Variants in TRAPPC10 observed in about 807,000 individuals in gnomAD.
TRAPPC10 encodes TRAPP 130 kDa subunit.
Under a neutral mutation model 125.5 loss-of-function variants are expected in TRAPPC10, and 23 were observed. The ratio of observed to expected loss-of-function variants is 0.18; its 90% CI spans 0.13 to 0.26. The LOEUF is 0.26. Ranked by LOEUF, TRAPPC10 falls within the 10% of genes least tolerant of loss-of-function variation. The pLI, the probability that TRAPPC10 is intolerant of heterozygous loss-of-function variation, is 1.00. For missense variants in TRAPPC10, 1,123 were observed against 1,308.4 expected (o/e 0.86, Z 2.19); for synonymous variants, 509 against 518.0 (o/e 0.98, Z 0.24).
At chr21:44,051,718 T>C (rs2145833458) in intron 3 of TRAPPC10, among the ~76,000 whole-genome samples, 1 of 152,360 alleles carries the variant, frequency 6.6e-6, no homozygotes, top group East Asian at 1.9e-4. Flanking sequence ...CAGCTGTAGC[T>C]GCTTGCCTCT....
intron 1 of TRAPPC10, among the ~76,000 whole-genome samples, chr21:44,018,772 C>CAG (rs1264776259): frequency 6.6e-6 from 1 of 151,982 alleles, no homozygotes; most frequent in Non-Finnish European, 1.5e-5. Flanking sequence ...GTGCTTCCAC[C>CAG]AGAGGCCTGC....
At chr21:44,079,023 G>T (rs529843897) in intron 11 of TRAPPC10, among the ~76,000 whole-genome samples, 1 of 152,224 alleles carries the variant, frequency 6.6e-6, no homozygotes, top group Non-Finnish European at 1.5e-5. Flanking sequence ...TTCTCTGGAA[G>T]CTGGATCCTG....
At chr21:44,024,118 A>T (rs1470828022) in intron 1 of TRAPPC10, among the ~76,000 whole-genome samples, 1 of 152,210 alleles carries the variant, frequency 6.6e-6, no homozygotes, top group East Asian at 1.9e-4. Flanking sequence ...TATTTTTAAG[A>T]TAAAATACAT....
At position 44,063,875 on chromosome 21, in the gene TRAPPC10, T is replaced by C; in HGVS notation, c.1038+90T>C. 1 of 1,504,494 alleles carries C rather than the reference T, an allele frequency of 6.6e-7. No individual in the cohort carries two copies. Among genetic ancestry groups the C allele is most frequent in the Non-Finnish European group, 8.9e-7 (1 of 1,129,344 alleles). The allele number at this position is 1,504,494 out of a possible 1,614,324, so 93.2% of individuals were successfully genotyped here. A position where few individuals can be genotyped will look rare whatever the true frequency, so the allele number is the denominator to read the frequency against. On this transcript the variant is annotated intron_variant, in intron 7 of 22. Transcript: ENST00000291574. The surrounding 1 kb of genome is among the most constrained non-coding windows in gnomAD (Gnocchi z 4.4). ...GAGATCCCAGGCATTGAACTGTTTGTGCTTAAGAAAGGGTTTTCTTTTCTG... is the reference window on the plus strand; with the variant it reads ...GAGATCCCAGGCATTGAACTGTTTGCGCTTAAGAAAGGGTTTTCTTTTCTG...
At chr21:44,089,690 G>A in intron 17 of TRAPPC10, 143 bp from the exon 18 acceptor site, 2 of 672,694 alleles carry the variant, frequency 3.0e-6, no homozygotes, top group Non-Finnish European at 5.5e-6. Flanking sequence ...GTAAGGCTTT[G>A]CTTCCTGGAT....
intron 13 of TRAPPC10, among the ~76,000 whole-genome samples, chr21:44,081,716 G>A (rs575920756): frequency 6.6e-4 from 101 of 152,208 alleles, no homozygotes; most frequent in Non-Finnish European, 1.4e-3. Context: ...GCGAAACCCT[G>A]TCTCTACAAA....
chr21:44,052,253 CTT>C, intron 3 of TRAPPC10, 25 bp from the exon 4 acceptor site: 1 of 1,548,450 alleles, frequency 6.5e-7, no homozygotes, highest in South Asian at 1.2e-5. Flanking sequence ...AGTTAACCTG[CTT>C]TCACAGTGAC....
chr21:44,019,649 T>C (rs1284146760), intron 1 of TRAPPC10, among the ~76,000 whole-genome samples: 1 of 152,208 alleles, frequency 6.6e-6, no homozygotes, highest in Non-Finnish European at 1.5e-5. Flanking sequence ...GCCTGGATAA[T>C]CTGGGATAAT....
Position 44,082,669 on chromosome 21 carries a change from C to G in TRAPPC10, c.1724-119C>G. The G allele has an allele frequency of 8.9e-7, 1 of 1,120,142 alleles. No individual in the cohort carries two copies. Among genetic ancestry groups the G allele is most frequent in the South Asian group, 1.4e-5 (1 of 72,074 alleles). The allele number at this position is 1,120,142 out of a possible 1,614,324, so 69.4% of individuals were successfully genotyped here. On this transcript the variant is annotated intron_variant, in intron 13 of 22. Coordinates refer to ENST00000291574, the MANE Select transcript of TRAPPC10 (RefSeq NM_003274.5). This position sits in a 1 kb window ranked among gnomAD's most constrained non-coding sequence, Gnocchi z 4.4. ...CAGGAGGCTGGGCTCAGCTGCTGTG[C>G]CCATCACTGCTGCTTGCTTCAGTCT... is the stretch of plus-strand genomic sequence containing the variant.
intron 3 of TRAPPC10, among the ~76,000 whole-genome samples, chr21:44,050,922 G>A (rs1255829608): frequency 1.3e-5 from 2 of 150,804 alleles, no homozygotes; most frequent in African/African-American, 2.4e-5. Flanking sequence ...TTTTTTTTTT[G>A]GAGACGCAGT....
intron 19 of TRAPPC10, among the ~76,000 whole-genome samples, chr21:44,093,116 A>G (rs906941062): frequency 2.6e-5 from 4 of 152,166 alleles, no homozygotes; most frequent in East Asian, 1.9e-4. Context: ...TCTTTAATTA[A>G]TTGATGATAT....
At chr21:44,020,506 C>CTGT (rs398071691) in intron 1 of TRAPPC10, among the ~76,000 whole-genome samples, 1 of 151,032 alleles carries the variant, frequency 6.6e-6, no homozygotes, top group East Asian at 1.9e-4. Context: ...CATGGTGGTG[C>CTGT]GTGCTTCTAG....
At chr21:44,065,680 T>C (rs2036395044) in intron 7 of TRAPPC10, among the ~76,000 whole-genome samples, 1 of 152,174 alleles carries the variant, frequency 6.6e-6, no homozygotes, top group Non-Finnish European at 1.5e-5. Context: ...TTACATGCGC[T>C]GTGCCTGTCG....
At chr21:44,022,858 C>T (rs1365788106) in intron 1 of TRAPPC10, among the ~76,000 whole-genome samples, 3 of 151,884 alleles carry the variant, frequency 2.0e-5, no homozygotes, top group Admixed American at 6.6e-5. Flanking sequence ...GCTGGGTCAG[C>T]TTCAGGCTGG....
chr21:44,065,045 C>A (rs1400265668), intron 7 of TRAPPC10, among the ~76,000 whole-genome samples: 2 of 152,144 alleles, frequency 1.3e-5, no homozygotes, highest in Non-Finnish European at 2.9e-5. Flanking sequence ...GCTCTCTGTT[C>A]ATGTGTACCT....
intron 1 of TRAPPC10, among the ~76,000 whole-genome samples, chr21:44,028,390 A>G (rs2033262099): frequency 6.6e-6 from 1 of 152,102 alleles, no homozygotes; most frequent in Admixed American, 6.6e-5. Flanking sequence ...GGCACCCTAG[A>G]AAGAGTGCCT....
At chr21:44,068,751 C>T (rs994307881) in intron 7 of TRAPPC10, among the ~76,000 whole-genome samples, 1 of 151,982 alleles carries the variant, frequency 6.6e-6, no homozygotes. Flanking sequence ...CAGGTGCGCA[C>T]CACCATGCCC....
chr21:44,086,364 C>T (rs564267406), intron 15 of TRAPPC10, among the ~76,000 whole-genome samples: 1 of 152,338 alleles, frequency 6.6e-6, no homozygotes, highest in Non-Finnish European at 1.5e-5. Context: ...ACCCAAAAGC[C>T]CGTGGCCTGA....
intron 1 of TRAPPC10, among the ~76,000 whole-genome samples, chr21:44,028,291 A>G (rs1270427097): frequency 6.6e-6 from 1 of 152,242 alleles, no homozygotes; most frequent in Non-Finnish European, 1.5e-5. Context: ...TGGTCCATGT[A>G]ATCAGACCCC....
Sources: allele counts gnomAD v4.1 joint callset (sites outside exome capture counted in the v4.1 genomes callset), GRCh38; gene constraint gnomAD v4.1.1; non-coding constraint Gnocchi (gnomAD v3.1); transcripts MANE v1.5; gene names NCBI Gene and HGNC (gene_info 2026-07-23, HGNC 2026-07-21).